The following MKNK1 variants were observed in gnomAD, a reference collection of about 807,000 sequenced individuals.
MKNK1 encodes the protein MAP kinase-interacting serine/threonine-protein kinase 1.
A neutral mutation model predicts 49.3 loss-of-function variants in MKNK1; 30 were observed. The observed-to-expected ratio is 0.61, with a 90% CI of 0.46 to 0.83. The LOEUF (loss-of-function observed/expected upper bound fraction) is 0.83. Among genes scored for constraint, MKNK1 ranks in the 40% least tolerant of loss-of-function variants. The pLI is 0.00. For missense variants in MKNK1, 423 were observed against 524.7 expected, an observed-to-expected ratio of 0.81 and a Z score of 1.89; for synonymous variants, 176 against 201.7, an observed-to-expected ratio of 0.87 and a Z score of 1.08.
intron 7 of MKNK1, among the ~76,000 whole-genome samples, chr1:46,570,784 G>A (rs190608054): frequency 1.1e-3 from 166 of 152,316 alleles, no homozygotes; most frequent in African/African-American, 3.7e-3. Context: ...GGAGGAAATC[G>A]TTATTTATTG....
In MKNK1 at chr1:46,594,139, G is replaced by T; in HGVS notation, c.-29C>A. On this transcript the variant is annotated 5_prime_UTR_variant, in exon 2 of 13. Transcript: ENST00000371945. The stretch of plus-strand genomic sequence containing the variant: ...TATAGGTTTTTCCAACTTTTGAGAA[G>T]ATACCATCTGTAAACTTGAAATCCC... The T allele has an allele frequency of 6.2e-7, 1 of 1,611,940 alleles. No individual in the cohort carries two copies. Among genetic ancestry groups the T allele is most frequent in the Non-Finnish European group, 8.5e-7 (1 of 1,178,054 alleles).
At chr1:46,586,837 A>C (rs1443370112) in intron 2 of MKNK1, among the ~76,000 whole-genome samples, 1 of 152,140 alleles carries the variant, frequency 6.6e-6, no homozygotes, top group African/African-American at 2.4e-5. Context: ...TTTGAGATGG[A>C]GTCTTGCTCT....
intron 1 of MKNK1, among the ~76,000 whole-genome samples, chr1:46,599,675 A>G (rs1372963145): frequency 6.6e-6 from 1 of 152,218 alleles, no homozygotes; most frequent in Non-Finnish European, 1.5e-5. Flanking sequence ...AGCCTCTAGC[A>G]TAAGGAAGAT....
intron 2 of MKNK1, among the ~76,000 whole-genome samples, chr1:46,587,019 A>T (rs1672673571): frequency 6.6e-6 from 1 of 152,210 alleles, no homozygotes; most frequent in Non-Finnish European, 1.5e-5. Context: ...CATGTTGGCC[A>T]GGCTGGTCTC....
chr1:46,575,266 A>G (rs1670783785), intron 5 of MKNK1: 1 of 424,862 alleles, frequency 2.4e-6, no homozygotes, highest in African/African-American at 2.0e-5. Context: ...GTGCTGTCAA[A>G]CCCCAGCCCT....
chr1:46,572,389 T>C (rs967684278), intron 6 of MKNK1: 3 of 198,814 alleles, frequency 1.5e-5, no homozygotes, highest in East Asian at 1.2e-4. Context: ...ATTTTTGTAC[T>C]TTTTTTTTTT....
chr1:46,564,466 G>GTTTGT (rs1668661273), intron 9 of MKNK1, among the ~76,000 whole-genome samples: 2 of 70,168 alleles, frequency 2.9e-5, no homozygotes, highest in African/African-American at 1.4e-4. Context: ...TTTTTTTATT[G>GTTTGT]TTTTTTTTTT....
At chr1:46,567,146 TTGCCCAGGC>T (rs1198464462) in intron 8 of MKNK1, among the ~76,000 whole-genome samples, 1 of 152,214 alleles carries the variant, frequency 6.6e-6, no homozygotes, top group African/African-American at 2.4e-5. Flanking sequence ...TCTCGCTTTG[TTGCCCAGGC>T]TGTTCTTAAG....
rs577866087 is a variant in MKNK1, at chr1:46,558,920, G to A, written c.1014-120C>T. On this transcript the variant is annotated intron_variant, in intron 12 of 12. Coordinates refer to ENST00000371945, the MANE Select transcript of MKNK1 (RefSeq NM_001135553.4). ...CGCTCCCACCAGATTTCCCAGAGCT[G>A]GGACGGGCTGCTCTCTCCAAAGTAG... 35 of 812,272 alleles carry A rather than the reference G, an allele frequency of 4.3e-5. No homozygotes were observed. The South Asian group carries it at 5.9e-4, about 14-fold the overall frequency. The allele number at this position is 812,272 out of a possible 1,614,324, so 50.3% of individuals were successfully genotyped here. A position where few individuals can be genotyped will look rare whatever the true frequency, so the allele number is the denominator to read the frequency against.
At chr1:46,575,199 G>C (rs1670777556) in intron 5 of MKNK1, 179 bp from the exon 6 acceptor site, 1 of 550,414 alleles carries the variant, frequency 1.8e-6, no homozygotes, top group East Asian at 3.0e-5. Context: ...GTGTTAGCAA[G>C]ATTCAGGTCA....
intron 4 of MKNK1, among the ~76,000 whole-genome samples, chr1:46,577,928 T>C (rs181400815): frequency 2.2e-3 from 328 of 152,342 alleles, no homozygotes; most frequent in Non-Finnish European, 3.4e-3. Flanking sequence ...TCTTCCTTCA[T>C]TGAGACTTCA....
chr1:46,568,358 G>A lies in MKNK1; in HGVS notation c.513+85C>T, dbSNP rs1025684021. On this transcript the variant is annotated intron_variant, in intron 8 of 12. Transcript: ENST00000371945. ...GTTCAAGTTGGTGTCTGAGGCCAAC[G>A]GAACTGCTAACAATCCATCCTGAAA... 9.2e-6 allele frequency: 12 copies of A among 1,311,356 alleles called. No homozygotes were observed. In the East Asian group the frequency reaches 1.2e-4, roughly 13 times the overall value. 81.2% of individuals were successfully genotyped at this position (1,311,356 alleles called of 1,614,324 possible). A position where few individuals can be genotyped will look rare whatever the true frequency, so the allele number is the denominator to read the frequency against.
In MKNK1 at chr1:46,583,377, G is replaced by A. The variant is rs17102303; in HGVS notation, c.-2-48C>T. ...AGGGAAACATCACTGTACTGATCAA[G>A]CTGTAAATTTACCCAGAAGGAAAAA... is the stretch of plus-strand genomic sequence containing the variant. On this transcript the variant is annotated intron_variant, in intron 2 of 12. Coordinates refer to ENST00000371945, the MANE Select transcript of MKNK1 (RefSeq NM_001135553.4). 1.9e-3 allele frequency: 2,746 copies of A among 1,424,278 alleles called. 42 individuals carry two copies. The African/African-American group carries it at 0.034, about 18-fold the overall frequency. The allele number at this position is 1,424,278 out of a possible 1,614,324, so 88.2% of individuals were successfully genotyped here.
intron 1 of MKNK1, among the ~76,000 whole-genome samples, chr1:46,601,071 C>T (rs544905496): frequency 6.6e-6 from 1 of 152,238 alleles, no homozygotes; most frequent in East Asian, 1.9e-4. Context: ...CACCCACCAC[C>T]ATGCACAGCT....
rs1210247498 is a variant in MKNK1 at position 46,572,153 on chromosome 1, G to C, written c.367C>G (p.His123Asp). ...EKLQGGSILAHIQKQKHFNER... is the reference protein window; with the variant it reads ...EKLQGGSILADIQKQKHFNER... Reference sequence around the variant, plus strand: ...TTGAAGTGCTTTTGCTTCTGGATGTGGGCTAAGATGGAACCTGGGGAGCAG... The same window carrying C: ...TTGAAGTGCTTTTGCTTCTGGATGTCGGCTAAGATGGAACCTGGGGAGCAG... The change falls in exon 7 of 13, where the codon CAC becomes GAC. Residue 123 changes from histidine to aspartate, a missense_variant. Transcript: ENST00000371945. 8 of 1,614,044 alleles carry C rather than the reference G, an allele frequency of 5.0e-6. No homozygotes were observed. The highest frequency in any genetic ancestry group is 6.8e-6 in the Non-Finnish European group (8 of 1,179,962).
chr1:46,593,191 C>T (rs12093643), intron 2 of MKNK1, among the ~76,000 whole-genome samples: 47,159 of 151,890 alleles, frequency 0.31, 7,345 homozygotes, highest in Admixed American at 0.39. Flanking sequence ...CCTGAAAAGA[C>T]ACATCTCAAA....
At chr1:46,571,599 T>C (rs141671229) in intron 7 of MKNK1, 2 of 399,704 alleles carry the variant, frequency 5.0e-6, no homozygotes, top group Non-Finnish European at 9.7e-6. Flanking sequence ...GAACAAGATA[T>C]ATTAAACTAC....
intron 7 of MKNK1, among the ~76,000 whole-genome samples, chr1:46,570,887 A>G (rs1355610601): frequency 6.6e-6 from 1 of 152,258 alleles, no homozygotes; most frequent in Non-Finnish European, 1.5e-5. Flanking sequence ...TAAAAAGCTT[A>G]GAATAGTGCC....
intron 7 of MKNK1, 88 bp from the exon 8 acceptor site, chr1:46,568,586 A>G (rs1669515806): frequency 3.1e-6 from 4 of 1,285,522 alleles, no homozygotes; most frequent in Non-Finnish European, 4.5e-6. Context: ...CAAATGCTGT[A>G]GTTCGCAGAT....
Sources: allele counts gnomAD v4.1 joint callset (sites outside exome capture counted in the v4.1 genomes callset), GRCh38; gene constraint gnomAD v4.1.1; transcripts MANE v1.5; gene names NCBI Gene and HGNC (gene_info 2026-07-23, HGNC 2026-07-21).